Variants in GRM8 observed in about 807,000 individuals in gnomAD.
The protein encoded by GRM8 is metabotropic glutamate receptor 8.
Under a neutral mutation model 87.2 loss-of-function variants are expected in GRM8, and 47 were observed. The ratio of observed to expected loss-of-function variants is 0.54; its 90% CI spans 0.43 to 0.69. GRM8 has a LOEUF of 0.69. Among genes scored for constraint, GRM8 ranks in the 30% least tolerant of loss-of-function variants. The pLI is 0.00. For missense variants in GRM8, 1,019 were observed against 1,139.2 expected (o/e 0.89, Z 1.52); for synonymous variants, 396 against 404.5 (o/e 0.98, Z 0.25).
intron 3 of GRM8, among the ~76,000 whole-genome samples, chr7:127,013,072 T>G (rs1563410825): frequency 6.6e-6 from 1 of 152,180 alleles, no homozygotes; most frequent in Admixed American, 6.5e-5. Flanking sequence ...AAGTAAATGA[T>G]AATGATCCTT....
chr7:127,144,622 T>C (rs920007185), intron 2 of GRM8, among the ~76,000 whole-genome samples: 4 of 152,154 alleles, frequency 2.6e-5, no homozygotes, highest in Admixed American at 1.3e-4. Flanking sequence ...TAAACAACTA[T>C]TTCAAATGTT....
intron 9 of GRM8, among the ~76,000 whole-genome samples, chr7:126,519,073 CA>C (rs1812585097): frequency 1.3e-5 from 2 of 152,070 alleles, no homozygotes; most frequent in South Asian, 2.1e-4. Context: ...TCAATTTCAA[CA>C]AAAACCTTGT....
At chr7:127,251,430 C>T (rs1370084843) in intron 1 of GRM8, among the ~76,000 whole-genome samples, 8 of 152,150 alleles carry the variant, frequency 5.3e-5, no homozygotes, top group African/African-American at 1.7e-4. Context: ...ATGGGCTTCG[C>T]GCTTGGCATG....
intron 2 of GRM8, among the ~76,000 whole-genome samples, chr7:127,122,770 T>A (rs1384094590): frequency 6.6e-6 from 1 of 151,800 alleles, no homozygotes; most frequent in African/African-American, 2.4e-5. Flanking sequence ...AAATGCAGGA[T>A]GAAAAACACT....
At chr7:127,120,013 A>G (rs1826938813) in intron 2 of GRM8, among the ~76,000 whole-genome samples, 2 of 152,212 alleles carry the variant, frequency 1.3e-5, no homozygotes, top group South Asian at 4.1e-4. Context: ...AGTGTCCAAC[A>G]GGTATCTCAA....
intron 7 of GRM8, among the ~76,000 whole-genome samples, chr7:126,699,646 C>T (rs546216678): frequency 6.6e-5 from 10 of 152,244 alleles, no homozygotes; most frequent in African/African-American, 2.2e-4. Context: ...CTTTTCTCCA[C>T]CCCTGGAGCA....
chr7:126,496,833 C>T (rs1469316209), intron 9 of GRM8, among the ~76,000 whole-genome samples: 3 of 151,522 alleles, frequency 2.0e-5, no homozygotes, highest in Middle Eastern at 3.4e-3. Flanking sequence ...TTGTTCCTCA[C>T]AAAAAAGCCT....
At chr7:127,226,771 T>C (rs563680292) in intron 2 of GRM8, among the ~76,000 whole-genome samples, 2 of 152,366 alleles carry the variant, frequency 1.3e-5, no homozygotes, top group South Asian at 4.1e-4. Context: ...TTGCCTGCAA[T>C]GCAGGGCTCA....
At chr7:126,480,363 G>C (rs1212026617) in intron 9 of GRM8, among the ~76,000 whole-genome samples, 2 of 151,682 alleles carry the variant, frequency 1.3e-5, no homozygotes, top group Non-Finnish European at 2.9e-5. Flanking sequence ...CAGTCTGGTT[G>C]ACAGAGTGAG....
chr7:126,925,330 A>G (rs183960327), intron 3 of GRM8, among the ~76,000 whole-genome samples: 1 of 152,344 alleles, frequency 6.6e-6, no homozygotes, highest in Non-Finnish European at 1.5e-5. Flanking sequence ...AGAAAGCAGA[A>G]TGCAGTACTA....
At chr7:126,777,171 G>C (rs887582562) in intron 6 of GRM8, among the ~76,000 whole-genome samples, 1 of 152,060 alleles carries the variant, frequency 6.6e-6, no homozygotes, top group Non-Finnish European at 1.5e-5. Context: ...GAAGATTTTA[G>C]GTCTCTTCTT....
chr7:127,106,711 A>G lies in GRM8; in HGVS notation c.512T>C (p.Ile171Thr), dbSNP rs1193307778. The change falls in exon 3 of 11, where the codon ATA becomes ACA. Residue 171 changes from isoleucine to threonine, a missense_variant and splice_region_variant. Physicochemically the swap from Ile to Thr is moderately conservative, Grantham distance 89 (BLOSUM62 -1). Coordinates refer to ENST00000339582, the MANE Select transcript of GRM8 (RefSeq NM_000845.3). Reference protein sequence around the residue: ...MVANILRLFKIPQISYASTAP... With the variant: ...MVANILRLFKTPQISYASTAP... ...TGTGGATGCATAGCTGATTTGAGGT[A>G]TCTGCAAAACAAATGATGGGTCATT... 1.2e-6 allele frequency: 2 copies of G among 1,603,390 alleles called. No homozygotes were observed. The highest frequency in any genetic ancestry group is 1.7e-6 in the Non-Finnish European group (2 of 1,170,378).
At chr7:126,606,602 C>T (rs1056884454) in intron 8 of GRM8, among the ~76,000 whole-genome samples, 1 of 152,160 alleles carries the variant, frequency 6.6e-6, no homozygotes, top group Non-Finnish European at 1.5e-5. Flanking sequence ...TTTGATTTGT[C>T]CTGATAATCC....
At chr7:126,905,358 G>T (rs1802569350) in intron 3 of GRM8, among the ~76,000 whole-genome samples, 1 of 152,102 alleles carries the variant, frequency 6.6e-6, no homozygotes, top group Admixed American at 6.6e-5. Context: ...TCCTTCTTAG[G>T]CAATGAAGGA....
intron 2 of GRM8, among the ~76,000 whole-genome samples, chr7:127,161,517 C>T (rs1209487366): frequency 2.0e-5 from 3 of 152,160 alleles, no homozygotes; most frequent in Non-Finnish European, 4.4e-5. Flanking sequence ...TTGCAGGGGG[C>T]TGATGTGAGA....
chr7:126,806,648 C>T (rs991414034), intron 6 of GRM8, among the ~76,000 whole-genome samples: 8 of 152,234 alleles, frequency 5.3e-5, no homozygotes, highest in Non-Finnish European at 1.0e-4. Flanking sequence ...AAAAGTTCTC[C>T]AAGTCCCCAC....
intron 7 of GRM8, among the ~76,000 whole-genome samples, chr7:126,617,325 T>G (rs1799613092): frequency 6.6e-6 from 1 of 152,162 alleles, no homozygotes; most frequent in Non-Finnish European, 1.5e-5. Context: ...AAAATTCATC[T>G]GCCTTTCATG....
At chr7:127,208,173 G>A (rs775300548) in intron 2 of GRM8, among the ~76,000 whole-genome samples, 9 of 152,086 alleles carry the variant, frequency 5.9e-5, no homozygotes, top group African/African-American at 9.7e-5. Flanking sequence ...CCTGCCTTAC[G>A]TTTTGCCATA....
At chr7:127,004,955 C>G (rs954287283) in intron 3 of GRM8, among the ~76,000 whole-genome samples, 2 of 151,478 alleles carry the variant, frequency 1.3e-5, no homozygotes, top group African/African-American at 4.8e-5. Flanking sequence ...TATTTTATCA[C>G]TTTCTTAGTT....
Sources: allele counts gnomAD v4.1 joint callset (sites outside exome capture counted in the v4.1 genomes callset), GRCh38; gene constraint gnomAD v4.1.1; transcripts MANE v1.5; gene names NCBI Gene and HGNC (gene_info 2026-07-23, HGNC 2026-07-21).